Variants in ZER1 observed in about 807,000 individuals in gnomAD.
ZER1 encodes protein zer-1 homolog.
Under a neutral mutation model 78.8 loss-of-function variants are expected in ZER1, and 11 were observed. The ratio of observed to expected loss-of-function variants is 0.14; its 90% CI spans 0.09 to 0.23. The LOEUF (loss-of-function observed/expected upper bound fraction) is 0.23. Among genes scored for constraint, ZER1 ranks in the 10% least tolerant of loss-of-function variants. ZER1 has a pLI of 1.00. For missense variants in ZER1, 588 were observed against 996.9 expected, an observed-to-expected ratio of 0.59 and a Z score of 5.52; for synonymous variants, 400 against 407.0, an observed-to-expected ratio of 0.98 and a Z score of 0.21.
At chr9:128,766,275 G>C (rs1000200221) in intron 1 of ZER1, among the ~76,000 whole-genome samples, 3 of 151,588 alleles carry the variant, frequency 2.0e-5, no homozygotes, top group East Asian at 1.9e-4. Flanking sequence ...CTTGAACCCG[G>C]GAGGTGGAGG....
chr9:128,738,640 C>G (rs1312395081), intron 13 of ZER1, among the ~76,000 whole-genome samples: 1 of 152,062 alleles, frequency 6.6e-6, no homozygotes, highest in Non-Finnish European at 1.5e-5. Flanking sequence ...CCGCCTCTGC[C>G]TCCCAAAGTG....
chr9:128,754,045 T>G lies in ZER1; in HGVS notation c.159-86A>C, dbSNP rs1863779320. 1 of 1,493,448 alleles carries G rather than the reference T, an allele frequency of 6.7e-7. No homozygotes were observed. Among genetic ancestry groups the G allele is most frequent in the East Asian group, 2.5e-5 (1 of 40,400 alleles). 92.5% of individuals were successfully genotyped at this position (1,493,448 alleles called of 1,614,324 possible). A position where few individuals can be genotyped will look rare whatever the true frequency, so the allele number is the denominator to read the frequency against. On this transcript the variant is annotated intron_variant, in intron 2 of 15. Transcript: ENST00000291900. This position sits in a 1 kb window ranked among gnomAD's most constrained non-coding sequence, Gnocchi z 4.3. ...AGCCAAGCCCTCCTCCCCCTGAAGC[T>G]TTCTTGGATCACCCCAAGTAGCAAC... is the stretch of plus-strand genomic sequence containing the variant.
chr9:128,751,619 T>A lies in ZER1; in HGVS notation c.924-92A>T. ...GGTGGTGAGGCATTTCCTTGCTTTCTCTTCTAGGCCCTCCAACCTCATCCC... is the reference window on the plus strand; with the variant it reads ...GGTGGTGAGGCATTTCCTTGCTTTCACTTCTAGGCCCTCCAACCTCATCCC... On this transcript the variant is annotated intron_variant, in intron 5 of 15. Coordinates refer to ENST00000291900, the MANE Select transcript of ZER1 (RefSeq NM_006336.4). This position sits in a 1 kb window ranked among gnomAD's most constrained non-coding sequence, Gnocchi z 5.4. 1 of 1,044,478 alleles carries A rather than the reference T, an allele frequency of 9.6e-7. No homozygotes were observed. Among genetic ancestry groups the A allele is most frequent in the Non-Finnish European group, 1.4e-6 (1 of 693,008 alleles). 64.7% of individuals were successfully genotyped at this position (1,044,478 alleles called of 1,614,324 possible). A position where few individuals can be genotyped will look rare whatever the true frequency, so the allele number is the denominator to read the frequency against.
At chr9:128,758,967 G>A (rs1863951995) in intron 1 of ZER1, among the ~76,000 whole-genome samples, 1 of 151,596 alleles carries the variant, frequency 6.6e-6, no homozygotes, top group Non-Finnish European at 1.5e-5. Context: ...TCACCGACCT[G>A]TGTATCATGA....
intron 8 of ZER1, among the ~76,000 whole-genome samples, chr9:128,747,508 C>T (rs569820641): frequency 1.3e-5 from 2 of 152,004 alleles, no homozygotes; most frequent in South Asian, 4.1e-4. Flanking sequence ...ACACCAGCTG[C>T]ATCTAGAGGA....
chr9:128,741,926 C>A, intron 9 of ZER1, 85 bp from the exon 10 acceptor site: 1 of 1,560,496 alleles, frequency 6.4e-7, no homozygotes, highest in Non-Finnish European at 8.8e-7. Context: ...GGAGGCTCAG[C>A]AACGCCATGG....
chr9:128,744,483 C>CTT (rs745822457), intron 8 of ZER1, among the ~76,000 whole-genome samples: 10 of 135,446 alleles, frequency 7.4e-5, no homozygotes, highest in African/African-American at 2.7e-4. Flanking sequence ...CGTGCAGGGC[C>CTT]TTTTTTTTTT....
chr9:128,737,891 TG>T (rs1863141438), intron 13 of ZER1, among the ~76,000 whole-genome samples: 1 of 151,642 alleles, frequency 6.6e-6, no homozygotes, highest in African/African-American at 2.4e-5. Flanking sequence ...TTAGCAGAGA[TG>T]GGGTTTCACT....
chr9:128,741,470 C>T lies in ZER1; in HGVS notation c.1737+65G>A. ...GCTGCGGATTTGGTTGGTGGGGAGC[C>T]TAGGGACAGAAGAGGGGCCATGTGG... is the stretch of plus-strand genomic sequence containing the variant. On this transcript the variant is annotated intron_variant, in intron 11 of 15. Coordinates refer to ENST00000291900, the MANE Select transcript of ZER1 (RefSeq NM_006336.4). 5 of 1,611,546 alleles carry T rather than the reference C, an allele frequency of 3.1e-6. No homozygotes were observed. The Admixed American group carries it at 6.7e-5, about 21-fold the overall frequency.
chr9:128,748,964 C>T (rs1398472584), intron 8 of ZER1, among the ~76,000 whole-genome samples: 1 of 150,544 alleles, frequency 6.6e-6, no homozygotes, highest in Non-Finnish European at 1.5e-5. Context: ...CCTCAGCCTC[C>T]CAAAGTGCTG....
intron 1 of ZER1, among the ~76,000 whole-genome samples, chr9:128,766,790 G>A (rs1589549851): frequency 7.3e-6 from 1 of 136,232 alleles, no homozygotes; most frequent in Admixed American, 7.8e-5. Flanking sequence ...AGGTTGCAGT[G>A]AGCCGAGATT....
chr9:128,748,549 C>T (rs974711143), intron 8 of ZER1, among the ~76,000 whole-genome samples: 1 of 151,926 alleles, frequency 6.6e-6, no homozygotes, highest in Admixed American at 6.6e-5. Flanking sequence ...CCAGCCTTGG[C>T]AACAAAGTGA....
At chr9:128,738,650 G>C (rs993407162) in intron 13 of ZER1, among the ~76,000 whole-genome samples, 2 of 151,988 alleles carry the variant, frequency 1.3e-5, no homozygotes, top group African/African-American at 2.4e-5. Context: ...CTCCCAAAGT[G>C]CTGGGATTAC....
intron 8 of ZER1, among the ~76,000 whole-genome samples, chr9:128,748,295 C>T (rs1035981011): frequency 9.9e-5 from 15 of 151,404 alleles, no homozygotes; most frequent in African/African-American, 3.2e-4. Flanking sequence ...GTCCCAGCTA[C>T]TCGGGAGGCT....
rs1389241200 is a variant in ZER1, at chr9:128,731,014, T to C, written c.*323A>G. The C allele has an allele frequency of 6.4e-6, 1 of 156,564 alleles. No individual in the cohort carries two copies. The highest frequency in any genetic ancestry group is 1.8e-4 in the East Asian group (1 of 5,530). The allele number at this position is 156,564 out of a possible 1,614,324, so 9.7% of individuals were successfully genotyped here. ...TTATAGGCATTTAGTCTGGTTGGGGTAGGAGTGTGTGTGTCAGCGATGAAG... is the reference window on the plus strand; with the variant it reads ...TTATAGGCATTTAGTCTGGTTGGGGCAGGAGTGTGTGTGTCAGCGATGAAG... On this transcript the variant is annotated 3_prime_UTR_variant, in exon 16 of 16. Coordinates refer to ENST00000291900, the MANE Select transcript of ZER1 (RefSeq NM_006336.4).
At chr9:128,733,989 A>G (rs12552421) in intron 14 of ZER1, among the ~76,000 whole-genome samples, 118,380 of 120,218 alleles carry the variant, frequency 0.98, 58,301 homozygotes, top group Non-Finnish European at 1. Context: ...TTAGCCAGGC[A>G]TGGTGGCGGG....
chr9:128,731,220 CA>C lies in ZER1; in HGVS notation c.*116del. 1.3e-6 allele frequency: 1 copy of C among 760,310 alleles called. No individual in the cohort carries two copies. The highest frequency in any genetic ancestry group is 2.0e-5 in the South Asian group (1 of 49,544). The allele number at this position is 760,310 out of a possible 1,614,324, so 47.1% of individuals were successfully genotyped here. A position where few individuals can be genotyped will look rare whatever the true frequency, so the allele number is the denominator to read the frequency against. On this transcript the variant is annotated 3_prime_UTR_variant, in exon 16 of 16. Transcript: ENST00000291900. ...AAGCGTCGGTTGTGCAAAAGTCCCC[CA>C]TGTCTCTTCACTCCGTGGGAGGCTC...
At chr9:128,772,273 T>C (rs1236106296), upstream of ZER1, 1 of 152,396 alleles carries the variant, frequency 6.6e-6, no homozygotes, top group East Asian at 1.9e-4. Flanking sequence ...CTGTTGAACA[T>C]GTCTTGCGTT....
At chr9:128,757,644 CAAT>C (rs898343113) in intron 1 of ZER1, among the ~76,000 whole-genome samples, 2 of 152,138 alleles carry the variant, frequency 1.3e-5, no homozygotes, top group African/African-American at 2.4e-5. Context: ...AGTAAAGCCA[CAAT>C]GAGATGCCAT....
Sources: allele counts gnomAD v4.1 joint callset (sites outside exome capture counted in the v4.1 genomes callset), GRCh38; gene constraint gnomAD v4.1.1; non-coding constraint Gnocchi (gnomAD v3.1); transcripts MANE v1.5; gene names NCBI Gene and HGNC (gene_info 2026-07-23, HGNC 2026-07-21).